The following MBD5 variants were observed in gnomAD, a reference collection of about 807,000 sequenced individuals.
The protein encoded by MBD5 is methyl-CpG-binding domain protein 5.
In MBD5, 13 loss-of-function variants were observed where a neutral mutation model predicts 117.3. That is an observed-to-expected ratio of 0.11 (90% CI 0.07 to 0.18). The LOEUF is 0.18. MBD5 is among the 10% of genes least tolerant of loss of function. The probability of loss-of-function intolerance (pLI) is 1.00; values close to 1 mark genes in which losing one functional copy is unlikely to be tolerated. For missense variants in MBD5, 1,879 were observed against 2,093.8 expected (o/e 0.90, Z 2.00); for synonymous variants, 727 against 766.4 (o/e 0.95, Z 0.85).
intron 4 of MBD5, among the ~76,000 whole-genome samples, chr2:148,402,391 T>G (rs1704949629): frequency 6.6e-6 from 1 of 152,150 alleles, no homozygotes; most frequent in African/African-American, 2.4e-5. Context: ...TGAGATATAA[T>G]TGACAATAAA....
chr2:148,477,656 A>T (rs1681014098), intron 8 of MBD5, among the ~76,000 whole-genome samples: 1 of 152,160 alleles, frequency 6.6e-6, no homozygotes, highest in South Asian at 2.1e-4. Flanking sequence ...TTTCAATGGG[A>T]TTGAAAAGTG....
intron 1 of MBD5, among the ~76,000 whole-genome samples, chr2:148,045,677 G>A (rs1439168460): frequency 6.6e-6 from 1 of 152,084 alleles, no homozygotes; most frequent in East Asian, 1.9e-4. Context: ...TAAACAACTT[G>A]GATTAGGTCA....
intron 1 of MBD5, among the ~76,000 whole-genome samples, chr2:148,103,604 T>C (rs2105311873): frequency 6.6e-6 from 1 of 152,266 alleles, no homozygotes; most frequent in Non-Finnish European, 1.5e-5. Context: ...TTCAGTGAAG[T>C]GCCCTTTCTT....
intron 2 of MBD5, among the ~76,000 whole-genome samples, chr2:148,201,262 C>A (rs2105956115): frequency 6.6e-6 from 1 of 152,332 alleles, no homozygotes; most frequent in African/African-American, 2.4e-5. Flanking sequence ...CAAGCACTGG[C>A]ACAAGAGTGG....
intron 3 of MBD5, among the ~76,000 whole-genome samples, chr2:148,336,152 C>A (rs935411026): frequency 6.6e-6 from 1 of 152,162 alleles, no homozygotes; most frequent in Non-Finnish European, 1.5e-5. Context: ...CCTTCTAACA[C>A]CCCTAAGAGC....
At chr2:148,207,814 A>T (rs951574277) in intron 2 of MBD5, among the ~76,000 whole-genome samples, 1 of 152,218 alleles carries the variant, frequency 6.6e-6, no homozygotes, top group Non-Finnish European at 1.5e-5. Flanking sequence ...GATATATGGC[A>T]TGACATTAAT....
intron 9 of MBD5, among the ~76,000 whole-genome samples, chr2:148,484,824 A>G (rs553165433): frequency 7.2e-5 from 11 of 152,336 alleles, no homozygotes; most frequent in African/African-American, 2.6e-4. Flanking sequence ...TAACTATAAT[A>G]TAAAGTGTGG....
At chr2:148,056,361 G>T (rs1414147124) in intron 1 of MBD5, among the ~76,000 whole-genome samples, 1 of 151,986 alleles carries the variant, frequency 6.6e-6, no homozygotes, top group African/African-American at 2.4e-5. Context: ...TTGTGGGCTA[G>T]AATCTACAGT....
chr2:148,144,979 G>A (rs1574061584), intron 1 of MBD5, among the ~76,000 whole-genome samples: 1 of 152,144 alleles, frequency 6.6e-6, no homozygotes, highest in Admixed American at 6.5e-5. Flanking sequence ...TTCCAATTCT[G>A]TGAAGAAAGT....
chr2:148,167,230 C>A (rs1698147425), intron 1 of MBD5, among the ~76,000 whole-genome samples: 3 of 152,098 alleles, frequency 2.0e-5, no homozygotes, highest in Admixed American at 2.0e-4. Flanking sequence ...AAATCTTTTT[C>A]TATAAATTAA....
chr2:148,437,564 A>G (rs1302874135), intron 4 of MBD5, among the ~76,000 whole-genome samples: 2 of 152,064 alleles, frequency 1.3e-5, no homozygotes, highest in African/African-American at 4.8e-5. Context: ...TTCTTTAAAG[A>G]CTTTTATTTA....
At chr2:148,195,898 AG>A (rs1698973633) in intron 2 of MBD5, among the ~76,000 whole-genome samples, 1 of 152,246 alleles carries the variant, frequency 6.6e-6, no homozygotes, top group Non-Finnish European at 1.5e-5. Context: ...TGGCTTAGAA[AG>A]AAATTTGTAA....
At chr2:148,312,306 C>A (rs1460568177) in intron 3 of MBD5, among the ~76,000 whole-genome samples, 1 of 152,206 alleles carries the variant, frequency 6.6e-6, no homozygotes, top group African/African-American at 2.4e-5. Context: ...CAGGTTTGGT[C>A]TTTTCACATA....
intron 1 of MBD5, among the ~76,000 whole-genome samples, chr2:148,084,160 A>G (rs1695719647): frequency 6.6e-6 from 1 of 152,200 alleles, no homozygotes; most frequent in Non-Finnish European, 1.5e-5. Context: ...TTTAAAGTCA[A>G]ATACTAAGAT....
In MBD5 at chr2:148,258,193, G is replaced by T. The variant is rs972732968; in HGVS notation, c.-680+24798G>T. 4.6e-5 allele frequency among the ~76,000 whole-genome samples: 7 copies of T among 152,158 alleles called. No homozygotes were observed. The South Asian group carries it at 1.0e-3, about 23-fold the overall frequency. On this transcript the variant is annotated intron_variant, in intron 3 of 13. Transcript: ENST00000642680. ...ACCAGCTACACCACATGCACTCGGAGTCTGAATTCCCTGGCTGTAGTTTGT... is the reference window on the plus strand; with the variant it reads ...ACCAGCTACACCACATGCACTCGGATTCTGAATTCCCTGGCTGTAGTTTGT...
At position 148,021,444 on chromosome 2, in the gene MBD5, A is replaced by G. The variant is rs1194883730; in HGVS notation, c.-1165A>G. ...GAAACCAAAAGCCTCTTAGCAACAC[A>G]GACCCTTTGCTGCTGCTGTTGCTGC... is the stretch of plus-strand genomic sequence containing the variant. On this transcript the variant is annotated 5_prime_UTR_variant, in exon 1 of 14. Coordinates refer to ENST00000642680, the MANE Select transcript of MBD5 (RefSeq NM_001378120.1). 1 of 565,222 alleles carries G rather than the reference A, an allele frequency of 1.8e-6. No homozygotes were observed. Among genetic ancestry groups the G allele is most frequent in the East Asian group, 4.7e-5 (1 of 21,464 alleles). 35.0% of individuals were successfully genotyped at this position (565,222 alleles called of 1,614,324 possible). A position where few individuals can be genotyped will look rare whatever the true frequency, so the allele number is the denominator to read the frequency against.
At chr2:148,255,783 A>T (rs1014681047) in intron 3 of MBD5, among the ~76,000 whole-genome samples, 7 of 152,222 alleles carry the variant, frequency 4.6e-5, no homozygotes, top group African/African-American at 1.4e-4. Context: ...AGTATAACCC[A>T]TTCTTCAAGA....
chr2:148,033,199 A>G (rs1477365203), intron 1 of MBD5, among the ~76,000 whole-genome samples: 1 of 152,232 alleles, frequency 6.6e-6, no homozygotes, highest in East Asian at 1.9e-4. Flanking sequence ...AGTTGTTAGA[A>G]TATAAACATT....
At chr2:148,332,366 T>A (rs1377511607) in intron 3 of MBD5, among the ~76,000 whole-genome samples, 3 of 152,180 alleles carry the variant, frequency 2.0e-5, no homozygotes, top group African/African-American at 7.2e-5. Flanking sequence ...ATTTGCTTGG[T>A]TCTCTATGTA....
Sources: gnomAD v4.1 joint callset for allele counts (sites outside exome capture counted in the v4.1 genomes callset) on GRCh38, gnomAD v4.1.1 for gene constraint, MANE v1.5 for transcripts, NCBI Gene and HGNC (gene_info 2026-07-23, HGNC 2026-07-21) for gene names.